COL22A1: variants seen among roughly 807,000 people sequenced by gnomAD.
The protein encoded by COL22A1 is collagen type XXII alpha 1 chain.
COL22A1 carries 221 observed loss-of-function variants against 248.9 expected under a neutral mutation model. The observed-to-expected ratio is 0.89, with a 90% confidence interval of 0.80 to 0.99. The LOEUF is 0.99. Among genes scored for constraint, COL22A1 ranks in the 50% least tolerant of loss-of-function variants. The pLI is 0.00. For synonymous variants in COL22A1, 891 were observed against 793.4 expected (o/e 1.12, Z -2.07); for missense variants, 2,240 against 2,179.0 (o/e 1.03, Z -0.56).
intron 3 of COL22A1, among the ~76,000 whole-genome samples, chr8:138,872,909 C>T (rs975368688): frequency 2.6e-5 from 4 of 152,242 alleles, no homozygotes; most frequent in Non-Finnish European, 5.9e-5. Flanking sequence ...ACTCCTCAGT[C>T]TGCTGATACT....
intron 56 of COL22A1, among the ~76,000 whole-genome samples, chr8:138,608,991 G>C (rs891059748): frequency 6.6e-6 from 1 of 152,216 alleles, no homozygotes; most frequent in African/African-American, 2.4e-5. Flanking sequence ...GGACATCCTA[G>C]AGAATCACTC....
intron 47 of COL22A1, among the ~76,000 whole-genome samples, chr8:138,643,501 C>T (rs916188569): frequency 1.3e-5 from 2 of 151,990 alleles, no homozygotes; most frequent in Non-Finnish European, 2.9e-5. Flanking sequence ...AATAACAGTG[C>T]CAACACCCTT....
intron 22 of COL22A1, among the ~76,000 whole-genome samples, chr8:138,749,566 C>A (rs1832417268): frequency 6.6e-6 from 1 of 152,234 alleles, no homozygotes; most frequent in African/African-American, 2.4e-5. Flanking sequence ...GCCATGTCAG[C>A]TGTCACATCA....
chr8:138,690,475 C>A (rs749035078), intron 36 of COL22A1, among the ~76,000 whole-genome samples: 1 of 152,124 alleles, frequency 6.6e-6, no homozygotes, highest in Admixed American at 6.5e-5. Context: ...GAGCTGGATT[C>A]GAATCCAGGT....
chr8:138,767,727 G>A (rs1047603012), intron 16 of COL22A1, among the ~76,000 whole-genome samples: 2 of 152,178 alleles, frequency 1.3e-5, no homozygotes, highest in Admixed American at 1.3e-4. Flanking sequence ...CATCCTGGCT[G>A]CAAAGCCCAC....
chr8:138,690,879 T>C lies in COL22A1; in HGVS notation c.2755-5A>G. Reference sequence around the variant, plus strand: ...ACCGACATGTCCGGGAGCACCCTGTTCAGAGACAGAAGTTTAGAAAGGCCA... The same window carrying C: ...ACCGACATGTCCGGGAGCACCCTGTCCAGAGACAGAAGTTTAGAAAGGCCA... On this transcript the variant is annotated splice_region_variant and splice_polypyrimidine_tract_variant and intron_variant, in intron 35 of 64. Transcript: ENST00000303045. The C allele has an allele frequency of 6.2e-7, 1 of 1,606,614 alleles. No individual in the cohort carries two copies. Among genetic ancestry groups the C allele is most frequent in the Non-Finnish European group, 8.5e-7 (1 of 1,176,884 alleles).
intron 22 of COL22A1, among the ~76,000 whole-genome samples, chr8:138,745,915 C>T (rs761081123): frequency 3.9e-5 from 6 of 152,222 alleles, no homozygotes; most frequent in Non-Finnish European, 8.8e-5. Flanking sequence ...GCTCAGACAA[C>T]AGGCAGGAAA....
At chr8:138,642,591 T>C (rs1821811865) in intron 47 of COL22A1, among the ~76,000 whole-genome samples, 1 of 152,210 alleles carries the variant, frequency 6.6e-6, no homozygotes, top group African/African-American at 2.4e-5. Context: ...AACCCTCCGT[T>C]GAAGCAAATT....
chr8:138,660,563 C>CT (rs1354471675), intron 43 of COL22A1, 83 bp from the exon 44 acceptor site: 12 of 1,246,118 alleles, frequency 9.6e-6, no homozygotes, highest in Non-Finnish European at 1.4e-5. Context: ...GCCAATCTCT[C>CT]TATCTGCTAA....
chr8:138,683,848 A>G (rs1826137771), intron 39 of COL22A1, among the ~76,000 whole-genome samples: 1 of 152,218 alleles, frequency 6.6e-6, no homozygotes, highest in Non-Finnish European at 1.5e-5. Context: ...AAGACTGCTT[A>G]GACCTATCGC....
chr8:138,636,300 G>A (rs1292633144), intron 48 of COL22A1, among the ~76,000 whole-genome samples: 1 of 151,684 alleles, frequency 6.6e-6, no homozygotes, highest in Non-Finnish European at 1.5e-5. Context: ...AGGCCTGGAT[G>A]GGCACTGATC....
In COL22A1 at chr8:138,598,723, A is replaced by G; in HGVS notation, c.4361T>C (p.Leu1454Pro). 1 of 1,612,920 alleles carries G rather than the reference A, an allele frequency of 6.2e-7. No homozygotes were observed. The highest frequency in any genetic ancestry group is 8.5e-7 in the Non-Finnish European group (1 of 1,179,670). ...GPPGQPGFPGLRGESPSMETL... is the reference protein window; with the variant it reads ...GPPGQPGFPGPRGESPSMETL... ...AAGCCATATTAGCATCCTTACCCTC[A>G]GTCCTGGAAATCCCGGCTGGCCTGG... is the stretch of plus-strand genomic sequence containing the variant. Residue 1454 changes from leucine to proline, a missense_variant, in exon 61 of 65, where the codon CTG becomes CCG. Coordinates refer to ENST00000303045, the MANE Select transcript of COL22A1 (RefSeq NM_152888.3).
At position 138,707,287 on chromosome 8, in the gene COL22A1, T is replaced by G. The variant is rs543049913; in HGVS notation, c.2518-3940A>C. ...AAGGAATCCTCCCTAATTCATTTTATGAGGCCAGCATCATCCTGATACCAA... is the reference window on the plus strand; with the variant it reads ...AAGGAATCCTCCCTAATTCATTTTAGGAGGCCAGCATCATCCTGATACCAA... On this transcript the variant is annotated intron_variant, in intron 30 of 64. Transcript: ENST00000303045. Among the ~76,000 whole-genome samples, 9 of 152,314 alleles carry G rather than the reference T, an allele frequency of 5.9e-5. No individual in the cohort carries two copies. The East Asian group carries it at 1.4e-3, about 23-fold the overall frequency.
At chr8:138,767,114 C>A (rs1205770512) in intron 16 of COL22A1, among the ~76,000 whole-genome samples, 1 of 152,198 alleles carries the variant, frequency 6.6e-6, no homozygotes, top group African/African-American at 2.4e-5. Context: ...AAATAAGGAG[C>A]ATAATATTAA....
chr8:138,780,849 T>G, intron 13 of COL22A1, 78 bp downstream of exon 13: 2 of 1,262,396 alleles, frequency 1.6e-6, no homozygotes, highest in East Asian at 4.6e-5. Flanking sequence ...CCACCCCACT[T>G]AAGGACACGG....
rs183641604 is a variant in COL22A1 at position 138,714,268 on chromosome 8, G to A, written c.2517+1414C>T. Among the ~76,000 whole-genome samples, 29 of 152,154 alleles carry A rather than the reference G, an allele frequency of 1.9e-4. No homozygotes were observed. In the East Asian group the frequency reaches 2.7e-3, roughly 14 times the overall value. On this transcript the variant is annotated intron_variant, in intron 30 of 64. Coordinates refer to ENST00000303045, the MANE Select transcript of COL22A1 (RefSeq NM_152888.3). ...CTCTCTGAGTCTCAGCTCTTTTCAC[G>A]TGCAAAACACGCTTATGGATACCAG...
At chr8:138,633,593 A>T (rs961946691) in intron 49 of COL22A1, among the ~76,000 whole-genome samples, 1 of 152,262 alleles carries the variant, frequency 6.6e-6, no homozygotes, top group African/African-American at 2.4e-5. Context: ...ATGTCATCAT[A>T]ATATACAATT....
intron 49 of COL22A1, among the ~76,000 whole-genome samples, chr8:138,632,929 G>GA (rs959399235): frequency 6.6e-6 from 1 of 151,892 alleles, no homozygotes; most frequent in Non-Finnish European, 1.5e-5. Context: ...TTGCCAAGTT[G>GA]AAAAAAAATT....
Position 138,728,779 on chromosome 8 carries a change from G to A in COL22A1, c.2140-3339C>T, listed in dbSNP as rs1322080960. ...CTGGCTGCTGCAGATACACCTGGAG[G>A]GCCTGTCACAAATGCAGGTACACAG... is the stretch of plus-strand genomic sequence containing the variant. On this transcript the variant is annotated intron_variant, in intron 23 of 64. Coordinates refer to ENST00000303045, the MANE Select transcript of COL22A1 (RefSeq NM_152888.3). Among the ~76,000 whole-genome samples the A allele has an allele frequency of 2.0e-5, 3 of 152,012 alleles. No individual in the cohort carries two copies. In the East Asian group the frequency reaches 5.8e-4, roughly 29 times the overall value.
Sources: allele counts gnomAD v4.1 joint callset (sites outside exome capture counted in the v4.1 genomes callset), GRCh38; gene constraint gnomAD v4.1.1; transcripts MANE v1.5; gene names NCBI Gene and HGNC (gene_info 2026-07-23, HGNC 2026-07-21).